The following HOPX variants were observed in gnomAD, a reference collection of about 807,000 sequenced individuals.
The protein encoded by HOPX is HOP homeobox.
A neutral mutation model predicts 11.8 loss-of-function variants in HOPX; 5 were observed. The ratio of observed to expected loss-of-function variants is 0.43; its 90% CI spans 0.22 to 0.89. HOPX has a LOEUF of 0.89. Among genes scored for constraint, HOPX ranks in the 40% least tolerant of loss-of-function variants. The pLI, the probability that HOPX is intolerant of heterozygous loss-of-function variation, is 0.28. For missense variants in HOPX, 119 were observed against 120.0 expected (o/e 0.99, Z 0.04); for synonymous variants, 49 against 49.7 (o/e 0.99, Z 0.06).
At chr4:56,649,387 A>G (rs1716936767) in intron 3 of HOPX, 1 of 152,268 alleles carries the variant, frequency 6.6e-6, no homozygotes, top group South Asian at 2.1e-4. Flanking sequence ...GCTGTATTTC[A>G]TCAATGTATG....
chr4:56,675,675 C>G (rs1718975631), intron 1 of HOPX, among the ~76,000 whole-genome samples: 1 of 151,730 alleles, frequency 6.6e-6, no homozygotes, highest in African/African-American at 2.4e-5. Flanking sequence ...AAATCAACAG[C>G]ACTGGAAGGC....
rs1560357614 is a variant in HOPX at position 56,648,529 on chromosome 4, T to C, written c.*191A>G. 2.3e-6 allele frequency: 1 copy of C among 436,324 alleles called. No individual in the cohort carries two copies. The highest frequency in any genetic ancestry group is 4.1e-6 in the Non-Finnish European group (1 of 242,738). 27.0% of individuals were successfully genotyped at this position (436,324 alleles called of 1,614,324 possible). On this transcript the variant is annotated 3_prime_UTR_variant, in exon 4 of 4. Transcript: ENST00000420433. ...CACTGCTTTACACAGAAGATACACA[T>C]AGCTTCCTATTGTTATTTTCTTTTC...
chr4:56,668,314 G>T (rs1362067257), intron 1 of HOPX, among the ~76,000 whole-genome samples: 1 of 152,236 alleles, frequency 6.6e-6, no homozygotes, highest in Non-Finnish European at 1.5e-5. Flanking sequence ...GAAATAGGTT[G>T]TTTGAGAAAT....
At chr4:56,678,421 G>C (rs1300630657) in intron 1 of HOPX, among the ~76,000 whole-genome samples, 2 of 149,400 alleles carry the variant, frequency 1.3e-5, no homozygotes, top group African/African-American at 2.5e-5. Context: ...TTGGTCCAGG[G>C]TGGGGCCTAG....
intron 1 of HOPX, chr4:56,679,830 T>C (rs1719232277): frequency 6.6e-6 from 1 of 152,252 alleles, no homozygotes; most frequent in East Asian, 1.9e-4. Context: ...TATACAAATG[T>C]AATCACTCAA....
chr4:56,656,605 A>C (rs1717766009), intron 2 of HOPX: 2 of 338,128 alleles, frequency 5.9e-6, no homozygotes, highest in Non-Finnish European at 8.4e-6. Flanking sequence ...CCGCAAGACA[A>C]GTTACTTCTC....
intron 3 of HOPX, 55 bp downstream of exon 3, chr4:56,655,802 A>G: frequency 6.5e-7 from 1 of 1,541,404 alleles, no homozygotes; most frequent in Non-Finnish European, 8.7e-7. Context: ...CCCAGCCGCG[A>G]GAAGGCTCAG....
chr4:56,675,586 A>G (rs1423063425), intron 1 of HOPX, among the ~76,000 whole-genome samples: 1 of 151,650 alleles, frequency 6.6e-6, no homozygotes, highest in South Asian at 2.1e-4. Context: ...AGCATATTGT[A>G]AAAGATAGAT....
chr4:56,650,796 G>C (rs1560359864), intron 3 of HOPX: 1 of 1,549,768 alleles, frequency 6.5e-7, no homozygotes, highest in Non-Finnish European at 8.7e-7. Flanking sequence ...TTTGCTCCTG[G>C]AGATCAAATC....
intron 3 of HOPX, among the ~76,000 whole-genome samples, chr4:56,654,511 G>A (rs917831000): frequency 1.3e-5 from 2 of 152,158 alleles, no homozygotes; most frequent in South Asian, 2.1e-4. Context: ...CCTTCTCAGG[G>A]GATGCCAAGA....
At chr4:56,667,148 G>A (rs959699666) in intron 1 of HOPX, among the ~76,000 whole-genome samples, 3 of 152,150 alleles carry the variant, frequency 2.0e-5, no homozygotes, top group Non-Finnish European at 4.4e-5. Context: ...GGTACTCAGT[G>A]AATATCTATT....
upstream of HOPX, chr4:56,681,426 T>C: frequency 3.0e-6 from 3 of 986,474 alleles, no homozygotes; most frequent in Non-Finnish European, 3.6e-6. Context: ...GGGCAGGAGG[T>C]AAACCACTGA....
At chr4:56,673,323 A>G (rs1718836608) in intron 1 of HOPX, among the ~76,000 whole-genome samples, 1 of 152,206 alleles carries the variant, frequency 6.6e-6, no homozygotes, top group Admixed American at 6.5e-5. Flanking sequence ...GGAATGAGAT[A>G]TAAAACCTAA....
intron 1 of HOPX, among the ~76,000 whole-genome samples, chr4:56,660,425 A>C (rs992183394): frequency 3.9e-5 from 6 of 152,210 alleles, no homozygotes; most frequent in Admixed American, 3.3e-4. Context: ...AACTGGAGAG[A>C]AATACCACAA....
chr4:56,670,894 G>T lies in HOPX; in HGVS notation c.-84+10361C>A, dbSNP rs181720979. ...TGCCTGCAATCTCAGCTACTCGGGA[G>T]GCTGAGGTAGGAGAATCGCTTGAAC... is the stretch of plus-strand genomic sequence containing the variant. On this transcript the variant is annotated intron_variant, in intron 1 of 3. Coordinates refer to ENST00000420433, the MANE Select transcript of HOPX (RefSeq NM_032495.6). 2.2e-3 allele frequency among the ~76,000 whole-genome samples: 338 copies of T among 151,680 alleles called. 4 individuals carry two copies. Among genetic ancestry groups the T allele is most frequent in the African/African-American group, 7.9e-3 (324 of 41,086 alleles).
At chr4:56,652,152 T>C (rs1031443435) in intron 3 of HOPX, among the ~76,000 whole-genome samples, 1 of 152,182 alleles carries the variant, frequency 6.6e-6, no homozygotes. Context: ...TTCACTTTAC[T>C]TTGAGTTCTT....
Position 56,657,808 on chromosome 4 carries a change from A to G in HOPX, c.9T>C (p.Ile3=). Residue 3 remains isoleucine, a synonymous_variant, in exon 2 of 4, where the codon ATT becomes ATC. Coordinates refer to ENST00000420433, the MANE Select transcript of HOPX (RefSeq NM_032495.6). ...GTCTTCTTCTGTAACAGCCCAGGAA[A>G]ATGAGCATAGGAAGACTAACTTTCT... The part of the protein sequence containing the change: ML[I]FLGCYRRRLE... 1 of 1,428,726 alleles carries G rather than the reference A, an allele frequency of 7.0e-7. No individual in the cohort carries two copies. Among genetic ancestry groups the G allele is most frequent in the South Asian group, 1.2e-5 (1 of 81,554 alleles). The allele number at this position is 1,428,726 out of a possible 1,614,324, so 88.5% of individuals were successfully genotyped here. A position where few individuals can be genotyped will look rare whatever the true frequency, so the allele number is the denominator to read the frequency against.
chr4:56,673,797 C>T (rs113923641), intron 1 of HOPX, among the ~76,000 whole-genome samples: 2,127 of 151,954 alleles, frequency 0.014, 54 homozygotes, highest in African/African-American at 0.049. Flanking sequence ...CTTCGCCTCC[C>T]GGGTTCAAGC....
intron 1 of HOPX, among the ~76,000 whole-genome samples, chr4:56,660,981 T>C (rs1157800367): frequency 6.6e-6 from 1 of 152,172 alleles, no homozygotes; most frequent in African/African-American, 2.4e-5. Context: ...AGAGGCAGGG[T>C]CTCGCTGTCA....
Sources: allele counts gnomAD v4.1 joint callset (sites outside exome capture counted in the v4.1 genomes callset), GRCh38; gene constraint gnomAD v4.1.1; transcripts MANE v1.5; gene names NCBI Gene and HGNC (gene_info 2026-07-23, HGNC 2026-07-21).